CA11: variants seen among roughly 807,000 people sequenced by gnomAD.
The protein encoded by CA11 is carbonic anhydrase-related protein 11.
In CA11, 20 loss-of-function variants were observed where a neutral mutation model predicts 39.3. That is an observed-to-expected ratio of 0.51 (90% CI 0.36 to 0.74). The LOEUF (loss-of-function observed/expected upper bound fraction) is 0.74. CA11 is among the 30% of genes least tolerant of loss of function. CA11 has a pLI of 0.00. For synonymous variants in CA11, 166 were observed against 172.5 expected (o/e 0.96, Z 0.29); for missense variants, 336 against 424.6 (o/e 0.79, Z 1.83).
At position 48,645,720 on chromosome 19, in the gene CA11, C is replaced by T; in HGVS notation, c.-88G>A. 2 of 1,095,738 alleles carry T rather than the reference C, an allele frequency of 1.8e-6. No individual in the cohort carries two copies. Among genetic ancestry groups the T allele is most frequent in the South Asian group, 3.5e-5 (2 of 57,694 alleles). The allele number at this position is 1,095,738 out of a possible 1,614,324, so 67.9% of individuals were successfully genotyped here. ...CCCCTCCTTCTGGGACCCTGTCCCT[C>T]CAGGACTTCCAGCTTTCCTCTCCTC... is the stretch of plus-strand genomic sequence containing the variant. On this transcript the variant is annotated 5_prime_UTR_variant, in exon 1 of 9. Transcript: ENST00000084798.
intron 2 of CA11, 91 bp downstream of exon 2, chr19:48,645,312 G>T (rs551658222): frequency 7.9e-6 from 9 of 1,142,140 alleles, no homozygotes; most frequent in African/African-American, 1.5e-5. Context: ...CTGGTCCTGG[G>T]GGGGAGGAGG....
intron 2 of CA11, among the ~76,000 whole-genome samples, chr19:48,644,788 T>G (rs1034225030): frequency 6.6e-6 from 1 of 152,016 alleles, no homozygotes; most frequent in African/African-American, 2.4e-5. Flanking sequence ...CAGAGACGGG[T>G]TTCACCAAGT....
intron 7 of CA11, 31 bp downstream of exon 7, chr19:48,639,274 C>G: frequency 6.2e-7 from 1 of 1,610,402 alleles, no homozygotes; most frequent in Admixed American, 1.7e-5. Context: ...AGTACCCAGG[C>G]CTAGGAAGGG....
At chr19:48,639,121 A>G in intron 7 of CA11, 68 bp from the exon 8 acceptor site, 1 of 1,574,098 alleles carries the variant, frequency 6.4e-7, no homozygotes, top group South Asian at 1.2e-5. Context: ...CACGCAGGAA[A>G]CCCCGCCCCT....
intron 7 of CA11, 64 bp downstream of exon 7, chr19:48,639,241 G>A (rs1468384959): frequency 1.3e-6 from 2 of 1,590,288 alleles, no homozygotes; most frequent in South Asian, 1.1e-5. Flanking sequence ...GGTGAGCAAG[G>A]GGATGCCCAG....
intron 6 of CA11, 23 bp from the exon 7 acceptor site, chr19:48,639,482 T>C (rs2030994206): frequency 1.2e-6 from 2 of 1,613,376 alleles, no homozygotes; most frequent in Non-Finnish European, 1.7e-6. Flanking sequence ...CAGGCCAGAG[T>C]AAAGAGGGAT....
rs376281824 is a variant in CA11, at chr19:48,639,648, C to T, written c.568-27G>A. On this transcript the variant is annotated intron_variant, in intron 5 of 8. Coordinates refer to ENST00000084798, the MANE Select transcript of CA11 (RefSeq NM_001217.5). ...TGTGTGGGGGTACGAGGTGAGGACA[C>T]AGGAGCCCAGAAGTCCAAGCCCTCA... 3.5e-5 allele frequency: 56 copies of T among 1,612,298 alleles called. No homozygotes were observed. In the African/African-American group the frequency reaches 6.5e-4, roughly 19 times the overall value.
Position 48,643,939 on chromosome 19 carries a change from C to CA in CA11, c.285+487dup, listed in dbSNP as rs562787639. ...AGAAAACCCATCTCTGCTAAAAATA[C>CA]AAAAAATTAGCTGGGCGTGATGGTG... On this transcript the variant is annotated intron_variant, in intron 3 of 8. Coordinates refer to ENST00000084798, the MANE Select transcript of CA11 (RefSeq NM_001217.5). The surrounding 1 kb of genome is among the most constrained non-coding windows in gnomAD (Gnocchi z 4.3). 3.7e-4 allele frequency among the ~76,000 whole-genome samples: 57 copies of CA among 152,004 alleles called. No homozygotes were observed. The highest frequency in any genetic ancestry group is 6.8e-3 in the Middle Eastern group (2 of 294).
At chr19:48,642,922 G>A (rs1359094815) in intron 3 of CA11, among the ~76,000 whole-genome samples, 3 of 152,106 alleles carry the variant, frequency 2.0e-5, no homozygotes, top group Non-Finnish European at 4.4e-5. Context: ...AGGCAGTGCC[G>A]GCTCTTATAA....
chr19:48,640,332 C>CCCT, intron 3 of CA11, 52 bp from the exon 4 acceptor site: 1 of 1,100,140 alleles, frequency 9.1e-7, no homozygotes, highest in Non-Finnish European at 1.3e-6. Context: ...TTTTATCTCT[C>CCCT]GTTTCCCACG....
rs759437905 is a variant in CA11, at chr19:48,638,927, G to A, written c.922C>T (p.Pro308Ser). The change falls in exon 8 of 9, where the codon CCC becomes TCC. Residue 308 changes from proline (P) to serine (S), a missense_variant. Transcript: ENST00000084798. ...ALRGNRDPRH[P>S]ERRCRGPNYR... The stretch of plus-strand genomic sequence containing the variant: ...TTGGGGCCTCGGCAGCGCCTCTCGG[G>A]GTGCCGGGGGTCCCTGTTGCCCCTC... 5.6e-6 allele frequency: 9 copies of A among 1,607,180 alleles called. No individual in the cohort carries two copies. Among genetic ancestry groups the A allele is most frequent in the Admixed American group, 1.7e-5 (1 of 58,380 alleles).
chr19:48,640,320 T>G (rs2031029705), intron 3 of CA11, 40 bp from the exon 4 acceptor site: 1 of 1,496,052 alleles, frequency 6.7e-7, no homozygotes, highest in Non-Finnish European at 9.2e-7. Context: ...CAGGGAGAGA[T>G]CTTTTATCTC....
intron 3 of CA11, 48 bp from the exon 4 acceptor site, chr19:48,640,328 C>A: frequency 7.8e-7 from 1 of 1,274,976 alleles, no homozygotes; most frequent in Non-Finnish European, 1.1e-6. Context: ...GATCTTTTAT[C>A]TCTCGTTTCC....
chr19:48,639,772 TCTCGCCTCCG>T lies in CA11; in HGVS notation c.567+6_567+15del. 1 of 1,612,694 alleles carries T rather than the reference TCTCGCCTCCG, an allele frequency of 6.2e-7. No homozygotes were observed. The highest frequency in any genetic ancestry group is 8.5e-7 in the Non-Finnish European group (1 of 1,178,890). On this transcript the variant is annotated splice_donor_region_variant and intron_variant, in intron 5 of 8. Transcript: ENST00000084798. ...CACCCAACTGCTCCCTCCCTCTGAA[TCTCGCCTCCG>T]CTCACGTTGACAAAGAGGCTGAGAA...
At chr19:48,645,043 T>G (rs1444788762) in intron 2 of CA11, among the ~76,000 whole-genome samples, 2 of 152,152 alleles carry the variant, frequency 1.3e-5, no homozygotes, top group African/African-American at 4.8e-5. Context: ...CACAGCTGGA[T>G]TATTATTAAT....
chr19:48,644,228 A>T (rs1030923309), intron 3 of CA11, among the ~76,000 whole-genome samples, 199 bp downstream of exon 3: 9 of 152,148 alleles, frequency 5.9e-5, no homozygotes, highest in African/African-American at 2.2e-4. Context: ...TTGCTTCTGC[A>T]GAGATGGGGA....
In CA11 at chr19:48,646,061, T is replaced by G; in HGVS notation, c.-429A>C. On this transcript the variant is annotated 5_prime_UTR_variant, in exon 1 of 9. Coordinates refer to ENST00000084798, the MANE Select transcript of CA11 (RefSeq NM_001217.5). ...TCCTCCCTCTCTCCTTTCCAGCTCC[T>G]GCCTCTTCTCCCCTCTCTCCTTCTT... 1 of 357,570 alleles carries G rather than the reference T, an allele frequency of 2.8e-6. No individual in the cohort carries two copies. The highest frequency in any genetic ancestry group is 1.2e-4 in the South Asian group (1 of 8,646). 22.1% of individuals were successfully genotyped at this position (357,570 alleles called of 1,614,324 possible).
intron 2 of CA11, 45 bp from the exon 3 acceptor site, chr19:48,644,614 G>GA: frequency 2.7e-6 from 4 of 1,463,160 alleles, no homozygotes; most frequent in Middle Eastern, 2.4e-4. Flanking sequence ...CAGAAATAGA[G>GA]ACTGGATCCC....
chr19:48,638,123 C>A lies in CA11; in HGVS notation c.983G>T (p.Arg328Leu). The A allele has an allele frequency of 1.4e-6, 2 of 1,400,660 alleles. No homozygotes were observed. Among genetic ancestry groups the A allele is most frequent in the Non-Finnish European group, 9.3e-7 (1 of 1,071,440 alleles). The allele number at this position is 1,400,660 out of a possible 1,614,324, so 86.8% of individuals were successfully genotyped here. A position where few individuals can be genotyped will look rare whatever the true frequency, so the allele number is the denominator to read the frequency against. The change falls in exon 9 of 9, where the codon CGC (arginine) becomes CTC (leucine). Residue 328 changes from arginine (R) to leucine (L), a missense_variant. Coordinates refer to ENST00000084798, the MANE Select transcript of CA11 (RefSeq NM_001217.5). Reference sequence around the variant, plus strand: ...TGCAATCCTCGAAGGGGAGTCTCAGCGACCATGGGGGACACCATCCACTGT... The same window carrying A: ...TGCAATCCTCGAAGGGGAGTCTCAGAGACCATGGGGGACACCATCCACTGT... ...RLHVDGVPHG[R>L]
Sources: gnomAD v4.1 joint callset for allele counts (sites outside exome capture counted in the v4.1 genomes callset) on GRCh38, gnomAD v4.1.1 for gene constraint, Gnocchi (gnomAD v3.1) non-coding constraint, MANE v1.5 for transcripts, NCBI Gene and HGNC (gene_info 2026-07-23, HGNC 2026-07-21) for gene names.